The following RAPGEF4 variants were observed in gnomAD, a reference collection of about 807,000 sequenced individuals.
RAPGEF4 encodes the protein RAP guanine-nucleotide-exchange factor (GEF) 4.
Under a neutral mutation model 147.9 loss-of-function variants are expected in RAPGEF4, and 66 were observed. That is an observed-to-expected ratio of 0.45 (90% confidence interval 0.37 to 0.55). The LOEUF is 0.55. Ranked by LOEUF, RAPGEF4 falls within the 20% of genes least tolerant of loss-of-function variation. The probability of loss-of-function intolerance (pLI) is 0.00; values close to 1 mark genes in which losing one functional copy is unlikely to be tolerated. For missense variants in RAPGEF4, 1,071 were observed against 1,257.3 expected, an observed-to-expected ratio of 0.85 and a Z score of 2.24; for synonymous variants, 419 against 442.7, an observed-to-expected ratio of 0.95 and a Z score of 0.67.
At chr2:172,907,772 A>G (rs895700508) in intron 4 of RAPGEF4, among the ~76,000 whole-genome samples, 7 of 152,174 alleles carry the variant, frequency 4.6e-5, no homozygotes, top group African/African-American at 1.7e-4. Flanking sequence ...ATATCATCAA[A>G]TATACTGGGG....
chr2:172,903,823 C>T (rs1699338673), intron 4 of RAPGEF4, among the ~76,000 whole-genome samples: 1 of 152,104 alleles, frequency 6.6e-6, no homozygotes. Flanking sequence ...GTGCCTCTGC[C>T]CCAATGGCTT....
At chr2:173,034,467 T>G (rs561572884) in intron 27 of RAPGEF4, among the ~76,000 whole-genome samples, 1 of 152,260 alleles carries the variant, frequency 6.6e-6, no homozygotes, top group South Asian at 2.1e-4. Context: ...GAGGTTTCAT[T>G]TTTGCTTTCA....
chr2:173,047,834 G>A (rs905171577), intron 29 of RAPGEF4, among the ~76,000 whole-genome samples: 9 of 152,068 alleles, frequency 5.9e-5, no homozygotes, highest in Admixed American at 2.0e-4. Flanking sequence ...CTGCCACCAC[G>A]CCCGGCTAAT....
intron 4 of RAPGEF4, among the ~76,000 whole-genome samples, chr2:172,913,954 T>G (rs1045762676): frequency 6.6e-6 from 1 of 152,222 alleles, no homozygotes; most frequent in Non-Finnish European, 1.5e-5. Flanking sequence ...CAGATCTTTA[T>G]GTATATTCAC....
chr2:172,968,428 C>T (rs1487655109), intron 10 of RAPGEF4, among the ~76,000 whole-genome samples: 1 of 152,168 alleles, frequency 6.6e-6, no homozygotes, highest in Admixed American at 6.5e-5. Context: ...TCCCCAGAGG[C>T]TGCCCCTCAG....
chr2:173,023,551 G>A (rs1282173418), intron 23 of RAPGEF4, among the ~76,000 whole-genome samples: 1 of 152,188 alleles, frequency 6.6e-6, no homozygotes, highest in African/African-American at 2.4e-5. Context: ...GTGGCTCATG[G>A]AAGGGGTCAA....
chr2:172,821,940 T>A, intron 4 of RAPGEF4: 1 of 1,613,446 alleles, frequency 6.2e-7, no homozygotes, highest in African/African-American at 1.3e-5. Context: ...TCTGAGAACT[T>A]TGAGAGACCG....
chr2:172,857,234 A>G (rs1249574330), intron 4 of RAPGEF4, among the ~76,000 whole-genome samples: 1 of 152,088 alleles, frequency 6.6e-6, no homozygotes, highest in Non-Finnish European at 1.5e-5. Flanking sequence ...CCAAGGTCAT[A>G]CAGCTGGTAA....
At chr2:172,938,084 A>G (rs550827273) in intron 6 of RAPGEF4, among the ~76,000 whole-genome samples, 1 of 152,220 alleles carries the variant, frequency 6.6e-6, no homozygotes, top group Admixed American at 6.5e-5. Flanking sequence ...CCTTTGATGA[A>G]AGAATGGTGT....
At chr2:172,836,569 T>C (rs2149687877) in intron 4 of RAPGEF4, among the ~76,000 whole-genome samples, 1 of 152,228 alleles carries the variant, frequency 6.6e-6, no homozygotes, top group East Asian at 1.9e-4. Flanking sequence ...CCTTTTGACT[T>C]CCTCCCCCAA....
Position 173,001,335 on chromosome 2 carries a change from T to C in RAPGEF4, c.1649T>C (p.Leu550Pro). 6.2e-7 allele frequency: 1 copy of C among 1,614,092 alleles called. No homozygotes were observed. Among genetic ancestry groups the C allele is most frequent in the Non-Finnish European group, 8.5e-7 (1 of 1,179,952 alleles). ...FMPNTQLCPALVAHYHAQPSQ... is the reference protein window; with the variant it reads ...FMPNTQLCPAPVAHYHAQPSQ... Reference sequence around the variant, plus strand: ...CCAAATACCCAGCTTTGCCCGGCACTGGTGGCCCAATATCCTTTTATTGTG... The same window carrying C: ...CCAAATACCCAGCTTTGCCCGGCACCGGTGGCCCAATATCCTTTTATTGTG... Residue 550 changes from leucine (L) to proline (P), a missense_variant, in exon 17 of 31, where the codon CTG becomes CCG. Transcript: ENST00000397081.
At chr2:172,760,593 C>T (rs1408005624) in intron 1 of RAPGEF4, among the ~76,000 whole-genome samples, 2 of 152,070 alleles carry the variant, frequency 1.3e-5, no homozygotes, top group African/African-American at 4.8e-5. Flanking sequence ...TGGCGGGTGC[C>T]TGTAGTCCCA....
intron 6 of RAPGEF4, among the ~76,000 whole-genome samples, chr2:172,927,564 A>G (rs1685496682): frequency 6.6e-6 from 1 of 152,024 alleles, no homozygotes; most frequent in African/African-American, 2.4e-5. Context: ...TAAGCCCAGG[A>G]GTTGAGGCTA....
At chr2:172,857,444 T>C (rs2149761187) in intron 4 of RAPGEF4, among the ~76,000 whole-genome samples, 1 of 152,366 alleles carries the variant, frequency 6.6e-6, no homozygotes, top group Non-Finnish European at 1.5e-5. Context: ...TTCATATGTC[T>C]TTCGGTGTAT....
intron 4 of RAPGEF4, among the ~76,000 whole-genome samples, chr2:172,854,633 T>C (rs1693217207): frequency 6.6e-6 from 1 of 152,148 alleles, no homozygotes; most frequent in African/African-American, 2.4e-5. Flanking sequence ...TTGTTGTTGT[T>C]CCATATGCTT....
intron 4 of RAPGEF4, chr2:172,894,334 A>G (rs942648213): frequency 1.3e-5 from 2 of 152,204 alleles, no homozygotes; most frequent in African/African-American, 4.8e-5. Flanking sequence ...AAACAGTTGT[A>G]TGCTCTCAAT....
At chr2:172,765,226 G>A (rs77024400) in intron 1 of RAPGEF4, among the ~76,000 whole-genome samples, 3,532 of 152,194 alleles carry the variant, frequency 0.023, 63 homozygotes, top group Non-Finnish European at 0.035. Flanking sequence ...GGTCATATTG[G>A]ATTTAGGGAG....
intron 6 of RAPGEF4, among the ~76,000 whole-genome samples, chr2:172,950,284 G>C (rs1688081923): frequency 6.6e-6 from 1 of 152,190 alleles, no homozygotes; most frequent in Non-Finnish European, 1.5e-5. Flanking sequence ...TGTGCACTTT[G>C]GGAGTCTCAG....
At chr2:173,034,906 AC>A (rs1683748282) in intron 27 of RAPGEF4, among the ~76,000 whole-genome samples, 2 of 151,808 alleles carry the variant, frequency 1.3e-5, no homozygotes, top group South Asian at 2.1e-4. Flanking sequence ...ACACACACAC[AC>A]ACAAATACAA....
Sources: gnomAD v4.1 joint callset for allele counts (sites outside exome capture counted in the v4.1 genomes callset) on GRCh38, gnomAD v4.1.1 for gene constraint, MANE v1.5 for transcripts, NCBI Gene and HGNC (gene_info 2026-07-23, HGNC 2026-07-21) for gene names.